PDE6D: variants seen among roughly 807,000 people sequenced by gnomAD.
PDE6D encodes retinal rod rhodopsin-sensitive cGMP 3',5'-cyclic phosphodiesterase subunit delta.
Under a neutral mutation model 21.9 loss-of-function variants are expected in PDE6D, and 10 were observed. The observed-to-expected ratio is 0.46, with a 90% CI of 0.28 to 0.78. The LOEUF (loss-of-function observed/expected upper bound fraction) is 0.78. Among genes scored for constraint, PDE6D ranks in the 30% least tolerant of loss-of-function variants. The probability of loss-of-function intolerance (pLI) is 0.12; values close to 1 mark genes in which losing one functional copy is unlikely to be tolerated. For missense variants in PDE6D, 139 were observed against 184.8 expected (o/e 0.75, Z 1.44); for synonymous variants, 59 against 63.5 (o/e 0.93, Z 0.34).
At chr2:231,757,442 A>C (rs944859419) in intron 1 of PDE6D, among the ~76,000 whole-genome samples, 2 of 152,040 alleles carry the variant, frequency 1.3e-5, no homozygotes, top group African/African-American at 4.8e-5. Context: ...GGATTATAGG[A>C]GCGTGCGACC....
At chr2:231,766,925 C>T (rs1310003956) in intron 1 of PDE6D, among the ~76,000 whole-genome samples, 5 of 132,288 alleles carry the variant, frequency 3.8e-5, no homozygotes, top group Admixed American at 9.1e-5. Context: ...ATCCGGGAGG[C>T]GGAGGTTGCA....
intron 1 of PDE6D, among the ~76,000 whole-genome samples, chr2:231,779,944 A>G (rs1210090480): frequency 6.6e-6 from 1 of 152,162 alleles, no homozygotes; most frequent in African/African-American, 2.4e-5. Flanking sequence ...GCTTTACTAA[A>G]CCTCCAAGGG....
chr2:231,777,359 G>A (rs553326916), intron 1 of PDE6D, among the ~76,000 whole-genome samples: 1 of 151,640 alleles, frequency 6.6e-6, no homozygotes, highest in African/African-American at 2.4e-5. Context: ...TTTAGAGTTG[G>A]GGGTCTCGCT....
intron 4 of PDE6D, among the ~76,000 whole-genome samples, chr2:231,733,524 T>C (rs2048668976): frequency 6.6e-6 from 1 of 152,158 alleles, no homozygotes; most frequent in Non-Finnish European, 1.5e-5. Context: ...GGAACCACCC[T>C]TCCTCCAGTC....
At chr2:231,742,376 G>A (rs1294208075) in intron 1 of PDE6D, among the ~76,000 whole-genome samples, 1 of 152,138 alleles carries the variant, frequency 6.6e-6, no homozygotes, top group East Asian at 1.9e-4. Context: ...GCTTGCCTTG[G>A]CCTCCCAAAG....
At chr2:231,780,979 G>A in intron 1 of PDE6D, 86 bp downstream of exon 1, 1 of 1,211,098 alleles carries the variant, frequency 8.3e-7, no homozygotes, top group Non-Finnish European at 1.2e-6. Flanking sequence ...GGGCCCACCT[G>A]GCGCGGCCCC....
intron 1 of PDE6D, among the ~76,000 whole-genome samples, chr2:231,755,863 T>C (rs945867636): frequency 6.6e-6 from 1 of 151,794 alleles, no homozygotes; most frequent in Non-Finnish European, 1.5e-5. Flanking sequence ...GAGGTTGCAG[T>C]GAGCTGAGAT....
Position 231,738,046 on chromosome 2 carries a change from G to T in PDE6D, c.232C>A (p.Gln78Lys). 6.2e-7 allele frequency: 1 copy of T among 1,614,030 alleles called. No homozygotes were observed. Among genetic ancestry groups the T allele is most frequent in the South Asian group, 1.1e-5 (1 of 91,082 alleles). The change falls in exon 3 of 5, where the codon CAA becomes AAA. Residue 78 changes from glutamine to lysine, a missense_variant. Physicochemically the swap from Gln to Lys is moderately conservative, Grantham distance 53. Transcript: ENST00000287600. ...TEQMEKFRLE[Q>K]KVYFKGQCLE... Reference sequence around the variant, plus strand: ...CATTGCCCTTTGAAGTAAACTTTTTGTTCCAGGCGGAATTTTTCCATTTGT... The same window carrying T: ...CATTGCCCTTTGAAGTAAACTTTTTTTTCCAGGCGGAATTTTTCCATTTGT...
At chr2:231,772,864 G>A (rs1299853418) in intron 1 of PDE6D, among the ~76,000 whole-genome samples, 2 of 152,204 alleles carry the variant, frequency 1.3e-5, no homozygotes, top group African/African-American at 4.8e-5. Context: ...AAGAAACTTA[G>A]AAAGTCAGTA....
At chr2:231,740,703 A>AG (rs2048741577) in intron 1 of PDE6D, among the ~76,000 whole-genome samples, 1 of 147,890 alleles carries the variant, frequency 6.8e-6, no homozygotes, top group Non-Finnish European at 1.5e-5. Flanking sequence ...AAAAAAAAAA[A>AG]GGAGAGTAAA....
At chr2:231,774,973 T>C (rs1241188399) in intron 1 of PDE6D, among the ~76,000 whole-genome samples, 1 of 151,878 alleles carries the variant, frequency 6.6e-6, no homozygotes, top group Non-Finnish European at 1.5e-5. Flanking sequence ...AGTGCAGTGG[T>C]GTGATCTCAG....
intron 1 of PDE6D, among the ~76,000 whole-genome samples, chr2:231,751,498 A>G (rs1424627059): frequency 1.3e-5 from 2 of 152,148 alleles, no homozygotes; most frequent in Non-Finnish European, 2.9e-5. Flanking sequence ...GTTCTCATTT[A>G]TTGCACACCC....
chr2:231,763,488 G>C (rs1212079337), intron 1 of PDE6D, among the ~76,000 whole-genome samples: 2 of 152,148 alleles, frequency 1.3e-5, no homozygotes, highest in African/African-American at 4.8e-5. Context: ...GTGGCCCACA[G>C]ACTGGTCCTG....
chr2:231,749,840 G>GA (rs138809233), intron 1 of PDE6D, among the ~76,000 whole-genome samples: 3,706 of 152,154 alleles, frequency 0.024, 108 homozygotes, highest in African/African-American at 0.066. Context: ...GGCCTCAGAT[G>GA]AGACTTTGGA....
intron 1 of PDE6D, among the ~76,000 whole-genome samples, chr2:231,769,315 C>T (rs752483416): frequency 1.3e-5 from 2 of 152,176 alleles, no homozygotes; most frequent in Non-Finnish European, 1.5e-5. Context: ...GCTCCTTAGG[C>T]AGAAGATGGC....
intron 1 of PDE6D, among the ~76,000 whole-genome samples, chr2:231,743,925 C>T (rs2048771160): frequency 6.6e-6 from 1 of 152,186 alleles, no homozygotes; most frequent in Non-Finnish European, 1.5e-5. Context: ...GGCAGCTAAG[C>T]CCAAGGTTTT....
chr2:231,761,973 A>G (rs557452797), intron 1 of PDE6D, among the ~76,000 whole-genome samples: 1 of 152,300 alleles, frequency 6.6e-6, no homozygotes, highest in South Asian at 2.1e-4. Context: ...CTCCAGGGCT[A>G]GAAGAGCTGA....
At chr2:231,741,395 A>G (rs2048749029) in intron 1 of PDE6D, among the ~76,000 whole-genome samples, 1 of 152,152 alleles carries the variant, frequency 6.6e-6, no homozygotes, top group Admixed American at 6.5e-5. Context: ...AACTAAGGAA[A>G]ATATGGCTTC....
At position 231,781,099 on chromosome 2, in the gene PDE6D, C is replaced by T; in HGVS notation, c.16G>A (p.Glu6Lys). 6.2e-7 allele frequency: 1 copy of T among 1,613,488 alleles called. No individual in the cohort carries two copies. The highest frequency in any genetic ancestry group is 8.5e-7 in the Non-Finnish European group (1 of 1,179,788). Residue 6 changes from glutamate to lysine, a missense_variant, in exon 1 of 5, where the codon GAG (glutamate) becomes AAG (lysine). Physicochemically the swap from Glu to Lys is moderately conservative, Grantham distance 56. Transcript: ENST00000287600. The part of the protein sequence containing the change: MSAKD[E>K]RAREILRGFK... ...CCCCTCAGGATCTCCCTGGCCCGCT[C>T]GTCCTTGGCTGACATGATGCGGCGG...
Sources: gnomAD v4.1 joint callset for allele counts (sites outside exome capture counted in the v4.1 genomes callset) on GRCh38, gnomAD v4.1.1 for gene constraint, MANE v1.5 for transcripts, NCBI Gene and HGNC (gene_info 2026-07-23, HGNC 2026-07-21) for gene names.